The following FSTL5 variants were observed in gnomAD, a reference collection of about 807,000 sequenced individuals.
The protein encoded by FSTL5 is follistatin-related protein 5.
FSTL5 carries 62 observed loss-of-function variants against 89.1 expected under a neutral mutation model. The observed-to-expected ratio is 0.70, with a 90% CI of 0.57 to 0.86. The LOEUF is 0.86. FSTL5 is among the 40% of genes least tolerant of loss of function. The pLI is 0.00. For missense variants in FSTL5, 1,057 were observed against 1,001.6 expected (o/e 1.06, Z -0.75); for synonymous variants, 383 against 346.2 (o/e 1.11, Z -1.18).
intron 3 of FSTL5, among the ~76,000 whole-genome samples, chr4:162,028,058 T>G (rs774516724): frequency 6.6e-6 from 1 of 152,204 alleles, no homozygotes; most frequent in Admixed American, 6.5e-5. Flanking sequence ...ACTTGTCTGA[T>G]GTTTATTCAG....
rs186059058 is a variant in FSTL5, at chr4:161,550,839, T to C, written c.1016-8146A>G. On this transcript the variant is annotated intron_variant, in intron 8 of 15. Coordinates refer to ENST00000306100, the MANE Select transcript of FSTL5 (RefSeq NM_020116.5). ...ATGAGTGAGAATATGCGGTGTTTGG[T>C]TTTTTGTTCTTGCGATAGTTTGCTG... 7.9e-5 allele frequency among the ~76,000 whole-genome samples: 12 copies of C among 151,972 alleles called. No individual in the cohort carries two copies. In the East Asian group the frequency reaches 1.2e-3, roughly 15 times the overall value.
intron 2 of FSTL5, among the ~76,000 whole-genome samples, chr4:162,048,907 A>G (rs1347551151): frequency 6.6e-6 from 1 of 152,162 alleles, no homozygotes; most frequent in African/African-American, 2.4e-5. Context: ...TTCACTCAGT[A>G]TATCCTATAA....
intron 6 of FSTL5, among the ~76,000 whole-genome samples, chr4:161,700,256 C>A (rs1284445773): frequency 6.6e-6 from 1 of 152,084 alleles, no homozygotes; most frequent in Non-Finnish European, 1.5e-5. Context: ...AAGTATCTTG[C>A]CCAGAGTCAC....
intron 2 of FSTL5, among the ~76,000 whole-genome samples, chr4:162,037,638 C>A (rs1363182445): frequency 6.6e-6 from 1 of 151,592 alleles, no homozygotes; most frequent in Non-Finnish European, 1.5e-5. Context: ...TATAAATTAC[C>A]AATGCAAATC....
At chr4:161,701,208 T>C (rs919905143) in intron 6 of FSTL5, among the ~76,000 whole-genome samples, 3 of 152,206 alleles carry the variant, frequency 2.0e-5, no homozygotes, top group Admixed American at 6.5e-5. Context: ...CATTTAATAG[T>C]ATTTCATCCT....
At chr4:161,934,515 T>C (rs915330537) in intron 3 of FSTL5, among the ~76,000 whole-genome samples, 1 of 152,124 alleles carries the variant, frequency 6.6e-6, no homozygotes, top group African/African-American at 2.4e-5. Flanking sequence ...AAACCTCATA[T>C]GATCAGTAGT....
intron 4 of FSTL5, among the ~76,000 whole-genome samples, chr4:161,853,688 GC>G (rs1321845828): frequency 6.6e-6 from 1 of 151,946 alleles, no homozygotes; most frequent in East Asian, 1.9e-4. Context: ...GATATTATTG[GC>G]ATAACCAAGA....
At chr4:162,001,432 CAACTT>C (rs1383938051) in intron 3 of FSTL5, among the ~76,000 whole-genome samples, 2 of 152,096 alleles carry the variant, frequency 1.3e-5, no homozygotes, top group African/African-American at 4.8e-5. Flanking sequence ...ATTTGAATAA[CAACTT>C]AATCACTTTC....
At chr4:161,703,385 C>G (rs963052028) in intron 6 of FSTL5, among the ~76,000 whole-genome samples, 23 of 151,998 alleles carry the variant, frequency 1.5e-4, no homozygotes, top group African/African-American at 5.6e-4. Flanking sequence ...CTTGTTGCAC[C>G]AAGTTAATAA....
intron 3 of FSTL5, among the ~76,000 whole-genome samples, chr4:162,030,103 G>T (rs995402789): frequency 2.0e-5 from 3 of 151,724 alleles, no homozygotes; most frequent in Non-Finnish European, 4.4e-5. Context: ...CTAGAGATTG[G>T]TTTTCACCAT....
At chr4:161,592,090 A>G (rs1733841677) in intron 7 of FSTL5, among the ~76,000 whole-genome samples, 3 of 152,172 alleles carry the variant, frequency 2.0e-5, no homozygotes, top group Admixed American at 2.0e-4. Context: ...CCAGGTTTGA[A>G]GAAAAAAGGC....
intron 4 of FSTL5, among the ~76,000 whole-genome samples, chr4:161,826,075 G>C (rs1490411355): frequency 6.6e-6 from 1 of 152,020 alleles, no homozygotes; most frequent in Non-Finnish European, 1.5e-5. Flanking sequence ...TTGATAGGCT[G>C]TGTCACTATT....
At chr4:161,584,945 A>G (rs561672644) in intron 8 of FSTL5, among the ~76,000 whole-genome samples, 1 of 152,366 alleles carries the variant, frequency 6.6e-6, no homozygotes, top group South Asian at 2.1e-4. Context: ...AAGGAAAAGC[A>G]TTAGAGTTCA....
Position 161,920,579 on chromosome 4 carries a change from G to A in FSTL5, c.234C>T (p.Thr78=), listed in dbSNP as rs1733966627. The A allele has an allele frequency of 6.2e-7, 1 of 1,613,730 alleles. No individual in the cohort carries two copies. Among genetic ancestry groups the A allele is most frequent in the East Asian group, 2.2e-5 (1 of 44,828 alleles). Residue 78 remains threonine (T), a synonymous_variant, in exon 4 of 16, where the codon ACC becomes ACT. Transcript: ENST00000306100. ...ATTCTGCTTGCCCTGTCTCTCTGCTGGTAACACAGTGTCTTCCCAAACCAC... is the reference window on the plus strand; with the variant it reads ...ATTCTGCTTGCCCTGTCTCTCTGCTAGTAACACAGTGTCTTCCCAAACCAC... The part of the protein sequence containing the change: ...KYCGLGRHCV[T]SRETGQAECA...
intron 4 of FSTL5, among the ~76,000 whole-genome samples, chr4:161,837,700 A>T (rs574985091): frequency 1.3e-5 from 2 of 152,252 alleles, no homozygotes; most frequent in South Asian, 4.1e-4. Context: ...AGAAACCCTA[A>T]TATTTGATAT....
intron 8 of FSTL5, among the ~76,000 whole-genome samples, chr4:161,577,370 C>T (rs1027908394): frequency 1.4e-5 from 2 of 147,492 alleles, no homozygotes; most frequent in African/African-American, 2.5e-5. Flanking sequence ...ACTTGTAAGC[C>T]ATTTGCCATA....
At chr4:161,993,996 G>T (rs1736215370) in intron 3 of FSTL5, among the ~76,000 whole-genome samples, 1 of 152,052 alleles carries the variant, frequency 6.6e-6, no homozygotes, top group African/African-American at 2.4e-5. Context: ...CATCACCCAG[G>T]TATTAAGCCT....
intron 4 of FSTL5, among the ~76,000 whole-genome samples, chr4:161,905,660 T>G (rs577519141): frequency 3.3e-5 from 5 of 152,172 alleles, no homozygotes; most frequent in African/African-American, 9.6e-5. Flanking sequence ...CTAAGGAAAC[T>G]GCGAATTAGA....
intron 6 of FSTL5, among the ~76,000 whole-genome samples, chr4:161,739,635 T>C (rs1325323564): frequency 6.6e-6 from 1 of 152,172 alleles, no homozygotes; most frequent in Non-Finnish European, 1.5e-5. Flanking sequence ...TGGGGACTCC[T>C]TGGTGCCCAA....
Sources: gnomAD v4.1 joint callset for allele counts (sites outside exome capture counted in the v4.1 genomes callset) on GRCh38, gnomAD v4.1.1 for gene constraint, MANE v1.5 for transcripts, NCBI Gene and HGNC (gene_info 2026-07-23, HGNC 2026-07-21) for gene names.